DIAPH2: variants seen among roughly 807,000 people sequenced by gnomAD.
DIAPH2 encodes protein diaphanous homolog 2.
In DIAPH2, 35 loss-of-function variants were observed where a neutral mutation model predicts 92.7. The ratio of observed to expected loss-of-function variants is 0.38; its 90% confidence interval spans 0.29 to 0.50. The LOEUF is 0.50. Ranked by LOEUF, DIAPH2 falls within the 20% of genes least tolerant of loss-of-function variation. The probability of loss-of-function intolerance (pLI) is 0.94; values close to 1 mark genes in which losing one functional copy is unlikely to be tolerated. For synonymous variants in DIAPH2, 301 were observed against 280.4 expected, an observed-to-expected ratio of 1.07 and a Z score of -0.73; for missense variants, 701 against 819.5, an observed-to-expected ratio of 0.86 and a Z score of 1.77.
intron 17 of DIAPH2, among the ~76,000 whole-genome samples, chrX:96,973,791 G>A (rs2065943419): frequency 9.5e-6 from 1 of 104,957 alleles, no homozygotes; most frequent in South Asian, 4.5e-4. Flanking sequence ...CACCTCACGG[G>A]TTCAAGTGAT....
rs1167892523 is a variant in DIAPH2 at position 97,593,478 on chromosome X, TA to T, written c.3242-5763del. 9.7e-3 allele frequency among the ~76,000 whole-genome samples: 974 copies of T among 100,886 alleles called. 5 individuals carry two copies. Among genetic ancestry groups the T allele is most frequent in the African/African-American group, 0.029 (806 of 28,126 alleles). The allele number at this position is 100,886 out of a possible 115,157, so 87.6% of individuals were successfully genotyped here. On this transcript the variant is annotated intron_variant, in intron 26 of 26. Transcript: ENST00000324765. ...TATAGATAATTTAAATAGTTACATG[TA>T]AAAAAAAAAAACAAGTTAAACCTTA...
At chrX:96,695,534 A>G (rs2063820920) in intron 1 of DIAPH2, among the ~76,000 whole-genome samples, 2 of 111,934 alleles carry the variant, frequency 1.8e-5, no homozygotes, top group African/African-American at 6.5e-5. Flanking sequence ...TTAAATGGCC[A>G]TTATCTCTGT....
At chrX:96,748,304 C>T (rs2064162768) in intron 3 of DIAPH2, among the ~76,000 whole-genome samples, 1 of 111,734 alleles carries the variant, frequency 8.9e-6, no homozygotes, top group South Asian at 3.8e-4. Context: ...AAGATGAATG[C>T]AACACCTCCC....
At chrX:97,390,116 T>C (rs1427580315) in intron 25 of DIAPH2, among the ~76,000 whole-genome samples, 2 of 108,952 alleles carry the variant, frequency 1.8e-5, no homozygotes, top group African/African-American at 6.7e-5. Context: ...AGGAAGCAGG[T>C]CAAGCCGGTC....
At chrX:97,533,056 A>G (rs149272800) in intron 26 of DIAPH2, 1 of 111,537 alleles carries the variant, frequency 9.0e-6, no homozygotes, top group Admixed American at 9.5e-5. Flanking sequence ...TGAATTTTGA[A>G]CATAAAAGTT....
chrX:96,789,908 C>G (rs773119302), intron 4 of DIAPH2, among the ~76,000 whole-genome samples: 21 of 110,260 alleles, frequency 1.9e-4, no homozygotes, highest in Admixed American at 8.8e-4. Flanking sequence ...TTATTCAGAT[C>G]GTGCAATTTT....
chrX:96,786,940 G>A (rs1331751629), intron 4 of DIAPH2, among the ~76,000 whole-genome samples: 1 of 112,035 alleles, frequency 8.9e-6, no homozygotes, highest in Non-Finnish European at 1.9e-5. Flanking sequence ...GTACCGTGAT[G>A]TAAACCTTAT....
chrX:96,971,430 A>ATG lies in DIAPH2; in HGVS notation c.2050+6236_2050+6237dup, dbSNP rs760622538. 9.7e-4 allele frequency among the ~76,000 whole-genome samples: 106 copies of ATG among 109,088 alleles called. 1 individual carries two copies. Among genetic ancestry groups the ATG allele is most frequent in the South Asian group, 2.3e-3 (6 of 2,583 alleles). The allele number at this position is 109,088 out of a possible 115,157, so 94.7% of individuals were successfully genotyped here. A position where few individuals can be genotyped will look rare whatever the true frequency, so the allele number is the denominator to read the frequency against. ...AACTTGATGCTCTGTGTGTGTGTGT[A>ATG]TGTGTGTGTGTGTGGGTGTGGGTGT... On this transcript the variant is annotated intron_variant, in intron 17 of 26. Transcript: ENST00000324765.
chrX:97,058,254 T>C (rs922986685), intron 17 of DIAPH2, among the ~76,000 whole-genome samples: 6 of 111,600 alleles, frequency 5.4e-5, no homozygotes, highest in African/African-American at 2.0e-4. Context: ...CTTCTTGTAA[T>C]AGATAAACTT....
chrX:97,037,976 A>G, intron 17 of DIAPH2, among the ~76,000 whole-genome samples: 1 of 111,357 alleles, frequency 9.0e-6, no homozygotes. Flanking sequence ...TATATTGTAC[A>G]CAATAGATAC....
At chrX:97,204,618 T>A (rs949241095) in intron 22 of DIAPH2, among the ~76,000 whole-genome samples, 1 of 111,112 alleles carries the variant, frequency 9.0e-6, no homozygotes, top group Non-Finnish European at 1.9e-5. Flanking sequence ...TTACAAGGAA[T>A]GTGAAAGACG....
intron 24 of DIAPH2, among the ~76,000 whole-genome samples, chrX:97,360,579 G>C (rs1044601776): frequency 9.0e-6 from 1 of 111,620 alleles, no homozygotes; most frequent in Non-Finnish European, 1.9e-5. Flanking sequence ...AGCCAAGATC[G>C]TGCCTCTGGA....
chrX:96,785,729 G>C (rs189341070), intron 4 of DIAPH2, among the ~76,000 whole-genome samples: 85 of 109,089 alleles, frequency 7.8e-4, no homozygotes, highest in Non-Finnish European at 1.3e-3. Context: ...CACCCGCCTT[G>C]GCCTCCCAAA....
At chrX:97,473,562 C>G (rs773205859) in intron 26 of DIAPH2, among the ~76,000 whole-genome samples, 1 of 111,335 alleles carries the variant, frequency 9.0e-6, no homozygotes, top group African/African-American at 3.2e-5. Context: ...GTCTTGAACT[C>G]CTGACCTCGT....
intron 17 of DIAPH2, among the ~76,000 whole-genome samples, chrX:97,043,083 T>A (rs977462692): frequency 1.8e-5 from 2 of 111,826 alleles, no homozygotes; most frequent in African/African-American, 6.5e-5. Context: ...CACAAATTTA[T>A]GACTGTATAT....
rs188715454 is a variant in DIAPH2 at position 97,588,450 on chromosome X, C to A, written c.3242-10803C>A. ...ACTAAACATCGGTCAGTACCTTTTA[C>A]CATCAAAGGACAGACTTTTTTTTTT... On this transcript the variant is annotated intron_variant, in intron 26 of 26. Coordinates refer to ENST00000324765, the MANE Select transcript of DIAPH2 (RefSeq NM_006729.5). 3.7e-3 allele frequency among the ~76,000 whole-genome samples: 408 copies of A among 110,568 alleles called. 2 individuals carry two copies. Among genetic ancestry groups the A allele is most frequent in the African/African-American group, 0.013 (382 of 30,512 alleles).
chrX:97,332,687 A>C (rs912802135), intron 23 of DIAPH2, among the ~76,000 whole-genome samples: 3 of 111,738 alleles, frequency 2.7e-5, no homozygotes, highest in Non-Finnish European at 5.6e-5. Context: ...AATCAAACCC[A>C]AATATGTACA....
At chrX:96,984,926 G>A (rs1246833562) in intron 17 of DIAPH2, among the ~76,000 whole-genome samples, 2 of 111,314 alleles carry the variant, frequency 1.8e-5, no homozygotes, top group African/African-American at 6.5e-5. Context: ...AAACCTGTAC[G>A]ACAATGTTGT....
chrX:97,352,842 T>G (rs1168380586), intron 24 of DIAPH2, among the ~76,000 whole-genome samples: 1 of 91,604 alleles, frequency 1.1e-5, no homozygotes, highest in Non-Finnish European at 2.1e-5. Flanking sequence ...TGTACTCCAG[T>G]CTGGGGGACA....
Sources: allele counts gnomAD v4.1 joint callset (sites outside exome capture counted in the v4.1 genomes callset), GRCh38; gene constraint gnomAD v4.1.1; transcripts MANE v1.5; gene names NCBI Gene and HGNC (gene_info 2026-07-23, HGNC 2026-07-21).